Variants in PCLO observed in about 807,000 individuals in gnomAD.
PCLO encodes the protein piccolo presynaptic cytomatrix protein, also known as protein piccolo.
In PCLO, 82 loss-of-function variants were observed where a neutral mutation model predicts 427.5. That is an observed-to-expected ratio of 0.19 (90% confidence interval 0.16 to 0.23). The LOEUF is 0.23. Ranked by LOEUF, PCLO falls within the 10% of genes least tolerant of loss-of-function variation. PCLO has a pLI of 1.00. For synonymous variants in PCLO, 2,357 were observed against 2,155.4 expected, an observed-to-expected ratio of 1.09 and a Z score of -2.59; for missense variants, 6,239 against 6,115.9, an observed-to-expected ratio of 1.02 and a Z score of -0.67.
intron 6 of PCLO, among the ~76,000 whole-genome samples, chr7:82,943,185 A>C (rs1268948479): frequency 6.6e-6 from 1 of 152,212 alleles, no homozygotes; most frequent in African/African-American, 2.4e-5. Context: ...TCTTGTAAAA[A>C]TCAGCTCATG....
At chr7:82,907,678 T>C (rs893301137) in intron 8 of PCLO, among the ~76,000 whole-genome samples, 5 of 151,880 alleles carry the variant, frequency 3.3e-5, no homozygotes, top group African/African-American at 9.7e-5. Flanking sequence ...GAGGGAAATA[T>C]ATGCCTAAAC....
intron 16 of PCLO, among the ~76,000 whole-genome samples, chr7:82,833,948 G>T (rs927375858): frequency 6.6e-6 from 1 of 151,994 alleles, no homozygotes; most frequent in Non-Finnish European, 1.5e-5. Context: ...AAATTCAAAC[G>T]CAAGTTCTTA....
chr7:82,759,385 C>T (rs1790384662), intron 24 of PCLO, among the ~76,000 whole-genome samples: 1 of 151,850 alleles, frequency 6.6e-6, no homozygotes, highest in South Asian at 2.1e-4. Flanking sequence ...CTGGCGAAAA[C>T]TTTTATGCTT....
At chr7:82,928,481 A>T (rs1456118625) in intron 6 of PCLO, among the ~76,000 whole-genome samples, 2 of 152,124 alleles carry the variant, frequency 1.3e-5, no homozygotes, top group Non-Finnish European at 2.9e-5. Flanking sequence ...CACAGGTTCA[A>T]GTGATTCTCC....
intron 3 of PCLO, among the ~76,000 whole-genome samples, chr7:83,026,465 G>C (rs1203799626): frequency 1.3e-5 from 2 of 152,104 alleles, no homozygotes; most frequent in African/African-American, 4.8e-5. Flanking sequence ...CAAGTCCTGA[G>C]TGACCTACAA....
At chr7:83,138,832 T>C (rs1015234617) in intron 2 of PCLO, among the ~76,000 whole-genome samples, 11 of 142,604 alleles carry the variant, frequency 7.7e-5, no homozygotes, top group Admixed American at 7.1e-4. Flanking sequence ...TCTCGGGGGG[T>C]GGGGAAATAG....
intron 3 of PCLO, among the ~76,000 whole-genome samples, chr7:83,000,457 T>C (rs1244652271): frequency 6.6e-6 from 1 of 152,006 alleles, no homozygotes; most frequent in South Asian, 2.1e-4. Context: ...AGACCAGATG[T>C]CCCCTAACTT....
At chr7:82,759,230 A>G (rs1036044581) in intron 24 of PCLO, among the ~76,000 whole-genome samples, 3 of 151,888 alleles carry the variant, frequency 2.0e-5, no homozygotes, top group African/African-American at 7.2e-5. Context: ...ACTTATCACA[A>G]GGGTCTCAAA....
At chr7:82,780,991 C>G (rs1353352495) in intron 22 of PCLO, among the ~76,000 whole-genome samples, 1 of 151,956 alleles carries the variant, frequency 6.6e-6, no homozygotes, top group African/African-American at 2.4e-5. Context: ...AAAGCAGTTC[C>G]TCATAGTGGA....
chr7:82,943,826 C>T (rs890941226), intron 6 of PCLO, among the ~76,000 whole-genome samples: 3 of 151,646 alleles, frequency 2.0e-5, no homozygotes, highest in African/African-American at 4.8e-5. Context: ...GGTCCATGTA[C>T]GAAATGGAAG....
chr7:82,769,114 C>A (rs565447442), intron 22 of PCLO, among the ~76,000 whole-genome samples: 3 of 152,030 alleles, frequency 2.0e-5, no homozygotes, highest in African/African-American at 7.2e-5. Flanking sequence ...AATAAGATTG[C>A]GAAAACACTG....
intron 22 of PCLO, among the ~76,000 whole-genome samples, chr7:82,766,810 CT>C (rs1164008711): frequency 2.0e-5 from 3 of 152,114 alleles, no homozygotes; most frequent in African/African-American, 4.8e-5. Context: ...CATCACATTG[CT>C]TGTTTCTTTC....
chr7:83,040,516 T>C (rs528101121), intron 3 of PCLO, among the ~76,000 whole-genome samples: 2 of 152,300 alleles, frequency 1.3e-5, no homozygotes, highest in South Asian at 4.1e-4. Flanking sequence ...TTTGCAGGGA[T>C]GGTTCCCAAG....
intron 2 of PCLO, among the ~76,000 whole-genome samples, chr7:83,138,172 C>T (rs1436527518): frequency 6.6e-6 from 1 of 152,088 alleles, no homozygotes; most frequent in Admixed American, 6.6e-5. Context: ...CTATAAAATA[C>T]CTATTACGTG....
At chr7:83,056,024 A>C (rs998091230) in intron 3 of PCLO, among the ~76,000 whole-genome samples, 12 of 152,226 alleles carry the variant, frequency 7.9e-5, no homozygotes, top group African/African-American at 2.9e-4. Context: ...TTATTGATAC[A>C]TGTTAATTGT....
At chr7:82,841,340 A>G in intron 14 of PCLO, 119 bp downstream of exon 14, 1 of 670,150 alleles carries the variant, frequency 1.5e-6, no homozygotes, top group Non-Finnish European at 2.7e-6. Flanking sequence ...TTTCCTTTAC[A>G]GTTCTGTATA....
chr7:82,761,328 A>C (rs768191701), intron 23 of PCLO, 31 bp downstream of exon 23: 1 of 1,256,538 alleles, frequency 8.0e-7, no homozygotes, highest in Non-Finnish European at 1.1e-6. Flanking sequence ...AAAAATCTAG[A>C]TATATTGATG....
At chr7:82,933,680 C>G (rs1421610860) in intron 6 of PCLO, among the ~76,000 whole-genome samples, 2 of 151,746 alleles carry the variant, frequency 1.3e-5, no homozygotes, top group African/African-American at 4.8e-5. Flanking sequence ...TGCTTTTAAA[C>G]ACACACAAAT....
intron 3 of PCLO, among the ~76,000 whole-genome samples, chr7:83,122,465 T>C (rs374969223): frequency 3.3e-5 from 5 of 152,194 alleles, no homozygotes; most frequent in African/African-American, 1.2e-4. Context: ...TTTGTATTTT[T>C]AGTAGAGAGA....
Sources: gnomAD v4.1 joint callset for allele counts (sites outside exome capture counted in the v4.1 genomes callset) on GRCh38, gnomAD v4.1.1 for gene constraint, MANE v1.5 for transcripts, NCBI Gene and HGNC (gene_info 2026-07-23, HGNC 2026-07-21) for gene names.